The following ABL2 variants were observed in gnomAD, a reference collection of about 807,000 sequenced individuals.
The protein encoded by ABL2 is tyrosine-protein kinase ABL2.
Under a neutral mutation model 107.7 loss-of-function variants are expected in ABL2, and 49 were observed. The observed-to-expected ratio is 0.45, with a 90% CI of 0.36 to 0.58. The LOEUF is 0.58. Ranked by LOEUF, ABL2 falls within the 20% of genes least tolerant of loss-of-function variation. The probability of loss-of-function intolerance (pLI) is 0.00; values close to 1 mark genes in which losing one functional copy is unlikely to be tolerated. For synonymous variants in ABL2, 549 were observed against 548.6 expected (o/e 1.00, Z -0.01); for missense variants, 1,245 against 1,457.0 (o/e 0.85, Z 2.37).
rs1214307483 is a variant in ABL2, at chr1:179,229,524, G to A, written c.-127C>T. On this transcript the variant is annotated 5_prime_UTR_variant, in exon 1 of 12. Coordinates refer to ENST00000502732, the MANE Select transcript of ABL2 (RefSeq NM_007314.4). Reference sequence around the variant, plus strand: ...CCCAGGCCCTGGCCCTGAGTGGCTGGGCCACCGGCGGCTCCGCACCCGGCC... The same window carrying A: ...CCCAGGCCCTGGCCCTGAGTGGCTGAGCCACCGGCGGCTCCGCACCCGGCC... 20 of 1,002,812 alleles carry A rather than the reference G, an allele frequency of 2.0e-5. No individual in the cohort carries two copies. The highest frequency in any genetic ancestry group is 2.5e-5 in the Non-Finnish European group (19 of 749,386). The allele number at this position is 1,002,812 out of a possible 1,614,324, so 62.1% of individuals were successfully genotyped here. A position where few individuals can be genotyped will look rare whatever the true frequency, so the allele number is the denominator to read the frequency against.
intron 1 of ABL2, among the ~76,000 whole-genome samples, chr1:179,135,194 G>A (rs1450346542): frequency 3.4e-5 from 5 of 148,560 alleles, no homozygotes; most frequent in African/African-American, 7.5e-5. Flanking sequence ...GCCGCCCATC[G>A]TCTGGGATGT....
intron 9 of ABL2, 36 bp from the exon 10 acceptor site, chr1:179,112,434 G>T: frequency 6.5e-7 from 1 of 1,545,414 alleles, no homozygotes; most frequent in Non-Finnish European, 8.9e-7. Flanking sequence ...AAAACTCCTT[G>T]CAGAAATTCA....
Position 179,108,191 on chromosome 1 carries a change from C to A in ABL2, c.3076G>T (p.Ala1026Ser), listed in dbSNP as rs1421531272. The A allele has an allele frequency of 2.5e-6, 4 of 1,614,084 alleles. No homozygotes were observed. The African/African-American group carries it at 4.0e-5, about 16-fold the overall frequency. The change falls in exon 12 of 12, where the codon GCT becomes TCT. Residue 1026 changes from alanine (A) to serine (S), a missense_variant. Coordinates refer to ENST00000502732, the MANE Select transcript of ABL2 (RefSeq NM_007314.4). The stretch of plus-strand genomic sequence containing the variant: ...CCACTGATGGGCACTGCGCCCAGAG[C>A]TGCCTTCTTTCCTCCTTCCTGTGTT... ...SETQEGGKKA[A>S]LGAVPISGKA...
Position 179,107,422 on chromosome 1 carries a change from G to T in ABL2, c.*296C>A. 1 of 382,030 alleles carries T rather than the reference G, an allele frequency of 2.6e-6. No homozygotes were observed. The highest frequency in any genetic ancestry group is 4.2e-5 in the South Asian group (1 of 23,610). 23.7% of individuals were successfully genotyped at this position (382,030 alleles called of 1,614,324 possible). ...TAGCACTTCCCAGCATTCCAGGTAG[G>T]GATGGGCTGCATTGCCTTCCTTATG... On this transcript the variant is annotated 3_prime_UTR_variant, in exon 12 of 12. Coordinates refer to ENST00000502732, the MANE Select transcript of ABL2 (RefSeq NM_007314.4).
At chr1:179,145,595 G>A (rs538811937) in intron 1 of ABL2, among the ~76,000 whole-genome samples, 11 of 152,230 alleles carry the variant, frequency 7.2e-5, no homozygotes, top group African/African-American at 2.6e-4. Context: ...TTTAATGAAC[G>A]TGACAAACTA....
rs189362240 is a variant in ABL2, at chr1:179,108,088, T to C, written c.3179A>G (p.Asn1060Ser). ...TSSISPAKMA[N>S]GTAGTKVALR... Reference sequence around the variant, plus strand: ...AGCCACTTTAGTACCTGCTGTGCCATTGGCCATTTTGGCTGGCGAGATGGA... The same window carrying C: ...AGCCACTTTAGTACCTGCTGTGCCACTGGCCATTTTGGCTGGCGAGATGGA... The change falls in exon 12 of 12, where the codon AAT (asparagine) becomes AGT (serine). Residue 1060 changes from asparagine (N) to serine (S), a missense_variant. Asn to Ser is a conservative substitution (Grantham distance 46). Transcript: ENST00000502732. The C allele has an allele frequency of 3.1e-5, 50 of 1,614,234 alleles. No homozygotes were observed. The highest frequency in any genetic ancestry group is 4.5e-5 in the East Asian group (2 of 44,888).
intron 1 of ABL2, among the ~76,000 whole-genome samples, chr1:179,192,134 ACT>A (rs1661062825): frequency 6.6e-6 from 1 of 152,086 alleles, no homozygotes; most frequent in Non-Finnish European, 1.5e-5. Flanking sequence ...TATAGCAGGG[ACT>A]CTATACTCAG....
At chr1:179,152,064 C>T (rs1571207180) in intron 1 of ABL2, among the ~76,000 whole-genome samples, 1 of 152,090 alleles carries the variant, frequency 6.6e-6, no homozygotes, top group Non-Finnish European at 1.5e-5. Flanking sequence ...AAAGACATGG[C>T]GGGGAAAGGT....
At chr1:179,148,210 TG>T (rs1465642183) in intron 1 of ABL2, among the ~76,000 whole-genome samples, 2 of 152,036 alleles carry the variant, frequency 1.3e-5, no homozygotes, top group African/African-American at 4.8e-5. Context: ...GGCTAATTTT[TG>T]TATTTTTTTG....
chr1:179,109,187 A>G lies in ABL2; in HGVS notation c.2080T>C (p.Ser694Pro), dbSNP rs1306526040. 4 of 1,613,640 alleles carry G rather than the reference A, an allele frequency of 2.5e-6. No homozygotes were observed. Among genetic ancestry groups the G allele is most frequent in the Non-Finnish European group, 3.4e-6 (4 of 1,179,962 alleles). ...GAGAACCCATCAGCATGCTGTAGAG[A>G]AGCAACAGATGAGAAGTTACCCGTG... Reference protein sequence around the residue: ...ELTGNFSSVASLQHADGFSFT... With the variant: ...ELTGNFSSVAPLQHADGFSFT... The change falls in exon 12 of 12, where the codon TCT (serine) becomes CCT (proline). Residue 694 changes from serine to proline, a missense_variant. Transcript: ENST00000502732.
In ABL2 at chr1:179,102,156, C is replaced by T. The variant is rs543863476; in HGVS notation, c.*5562G>A. Reference sequence around the variant, plus strand: ...CCTCCCCAGTAGCTGGGACTACAGGCGCCCGCCACCACGCCCAGCTAAGTT... The same window carrying T: ...CCTCCCCAGTAGCTGGGACTACAGGTGCCCGCCACCACGCCCAGCTAAGTT... On this transcript the variant is annotated 3_prime_UTR_variant, in exon 12 of 12. Transcript: ENST00000502732. 3.2e-4 allele frequency: 54 copies of T among 166,846 alleles called. No homozygotes were observed. Among genetic ancestry groups the T allele is most frequent in the Non-Finnish European group, 6.5e-4 (50 of 76,626 alleles). 10.3% of individuals were successfully genotyped at this position (166,846 alleles called of 1,614,324 possible). A position where few individuals can be genotyped will look rare whatever the true frequency, so the allele number is the denominator to read the frequency against.
At chr1:179,176,496 T>C (rs1214478131) in intron 1 of ABL2, among the ~76,000 whole-genome samples, 1 of 152,140 alleles carries the variant, frequency 6.6e-6, no homozygotes, top group African/African-American at 2.4e-5. Context: ...AAAAAATGTT[T>C]AAAAAGTTTC....
At chr1:179,202,093 A>G (rs1370628426) in intron 1 of ABL2, among the ~76,000 whole-genome samples, 2 of 34,380 alleles carry the variant, frequency 5.8e-5, no homozygotes, top group Non-Finnish European at 1.4e-4. Context: ...TAAAGATAGT[A>G]AAAAAAAAAA....
chr1:179,108,764 T>C lies in ABL2; in HGVS notation c.2503A>G (p.Lys835Glu), dbSNP rs1461624022. 1.9e-6 allele frequency: 3 copies of C among 1,614,106 alleles called. No homozygotes were observed. Among genetic ancestry groups the C allele is most frequent in the Middle Eastern group, 3.3e-4 (2 of 6,084 alleles). ...GGAGCAGCACTTTCCTCTGATTTTT[T>C]TGGAAGCATGTCATTGGCCCTGTCC... is the stretch of plus-strand genomic sequence containing the variant. ...NVDRANDMLP[K>E]KSEESAAPSR... Residue 835 changes from lysine (K) to glutamate (E), a missense_variant, in exon 12 of 12, where the codon AAA becomes GAA. Around this residue, in one of 3 missense-constraint regions of ABL2, gnomAD observed 761 missense variants for 766.4 expected, o/e 0.99. Coordinates refer to ENST00000502732, the MANE Select transcript of ABL2 (RefSeq NM_007314.4).
At chr1:179,177,916 C>T (rs965987108) in intron 1 of ABL2, among the ~76,000 whole-genome samples, 1 of 152,150 alleles carries the variant, frequency 6.6e-6, no homozygotes, top group African/African-American at 2.4e-5. Context: ...ATACGGGATC[C>T]AAGACTCTGG....
At chr1:179,182,651 TTTTC>T (rs1213059028) in intron 1 of ABL2, among the ~76,000 whole-genome samples, 2 of 152,356 alleles carry the variant, frequency 1.3e-5, no homozygotes, top group East Asian at 1.9e-4. Context: ...AGATATCACA[TTTTC>T]TTTATCCATT....
chr1:179,198,093 A>C (rs776349856), intron 1 of ABL2, among the ~76,000 whole-genome samples: 33 of 150,428 alleles, frequency 2.2e-4, no homozygotes, highest in South Asian at 1.1e-3. Flanking sequence ...CGGTCCCCTG[A>C]GCCTGAGGAG....
chr1:179,121,805 T>G lies in ABL2; in HGVS notation c.750A>C (p.Thr250=). 6.2e-7 allele frequency: 1 copy of G among 1,613,960 alleles called. No homozygotes were observed. Among genetic ancestry groups the G allele is most frequent in the Non-Finnish European group, 8.5e-7 (1 of 1,179,964 alleles). ...ATGTTGTCACCAGCCCATCAGCCAC[T>G]GTGGAGTGATGGTGTACAAGCTCTG... ...TLAELVHHHS[T]VADGLVTTLH... The change falls in exon 5 of 12, where the codon ACA becomes ACC. Residue 250 remains threonine, a synonymous_variant. Transcript: ENST00000502732.
chr1:179,124,924 G>C (rs942007265), intron 4 of ABL2, among the ~76,000 whole-genome samples: 1 of 152,098 alleles, frequency 6.6e-6, no homozygotes, highest in Non-Finnish European at 1.5e-5. Context: ...TCTCAAAGTT[G>C]TCCAACCATC....
Sources: gnomAD v4.1 joint callset for allele counts (sites outside exome capture counted in the v4.1 genomes callset) on GRCh38, gnomAD v4.1.1 for gene constraint, gnomAD v4.1.1 regional missense constraint, MANE v1.5 for transcripts, NCBI Gene and HGNC (gene_info 2026-07-23, HGNC 2026-07-21) for gene names.